Variants in VIL1 observed in about 807,000 individuals in gnomAD.
VIL1 encodes villin-1.
In VIL1, 86 loss-of-function variants were observed where a neutral mutation model predicts 104.0. The ratio of observed to expected loss-of-function variants is 0.83; its 90% CI spans 0.69 to 0.99. The LOEUF (loss-of-function observed/expected upper bound fraction) is 0.99. VIL1 is among the 50% of genes least tolerant of loss of function. VIL1 has a pLI of 0.00. For missense variants in VIL1, 944 were observed against 1,054.1 expected (o/e 0.90, Z 1.45); for synonymous variants, 394 against 412.6 (o/e 0.95, Z 0.55).
intron 1 of VIL1, among the ~76,000 whole-genome samples, chr2:218,422,791 C>G (rs763254119): frequency 8.5e-5 from 13 of 152,188 alleles, no homozygotes; most frequent in Non-Finnish European, 1.8e-4. Context: ...GAGGGCAGCT[C>G]TCTGCCAGGC....
In VIL1 at chr2:218,450,980, A is replaced by G. The variant is rs1270532658; in HGVS notation, c.*1644A>G. 1 of 152,226 alleles carries G rather than the reference A, an allele frequency of 6.6e-6. No individual in the cohort carries two copies. The highest frequency in any genetic ancestry group is 1.5e-5 in the Non-Finnish European group (1 of 68,028). 9.4% of individuals were successfully genotyped at this position (152,226 alleles called of 1,614,324 possible). A position where few individuals can be genotyped will look rare whatever the true frequency, so the allele number is the denominator to read the frequency against. On this transcript the variant is annotated 3_prime_UTR_variant, in exon 20 of 20. Coordinates refer to ENST00000248444, the MANE Select transcript of VIL1 (RefSeq NM_007127.3). The stretch of plus-strand genomic sequence containing the variant: ...TGAAGTCTAGTAATCAAAGCATGCC[A>G]TAAGGTGAATGATTGTGGTTAAACA...
chr2:218,444,436 C>T (rs571260378), intron 19 of VIL1, among the ~76,000 whole-genome samples: 15 of 152,092 alleles, frequency 9.9e-5, no homozygotes, highest in African/African-American at 3.4e-4. Flanking sequence ...CCCGCCATCA[C>T]GCCCGGCTAA....
chr2:218,425,934 A>T, intron 4 of VIL1, 123 bp downstream of exon 4: 225 of 999,286 alleles, frequency 2.3e-4, no homozygotes, highest in Admixed American at 2.6e-4. Flanking sequence ...CACTTGGAGC[A>T]GGGGGAGGTG....
intron 6 of VIL1, 41 bp downstream of exon 6, chr2:218,428,378 G>A: frequency 6.4e-7 from 1 of 1,564,120 alleles, no homozygotes; most frequent in Non-Finnish European, 8.8e-7. Context: ...TCGAATCCTA[G>A]ACTGCCCCCA....
intron 3 of VIL1, among the ~76,000 whole-genome samples, chr2:218,425,304 C>T (rs922078808): frequency 1.3e-5 from 2 of 152,192 alleles, no homozygotes; most frequent in African/African-American, 2.4e-5. Flanking sequence ...TGGTCTTCAA[C>T]TCCTGACCTC....
chr2:218,449,264 G>A lies in VIL1; in HGVS notation c.2412G>A (p.Met804Ile). 6.2e-7 allele frequency: 1 copy of A among 1,614,046 alleles called. No individual in the cohort carries two copies. Among genetic ancestry groups the A allele is most frequent in the Non-Finnish European group, 8.5e-7 (1 of 1,179,962 alleles). The change falls in exon 20 of 20, where the codon ATG becomes ATA. Residue 804 changes from methionine to isoleucine, a missense_variant. By Grantham distance (10) the Met-to-Ile change is conservative (BLOSUM62 1). Coordinates refer to ENST00000248444, the MANE Select transcript of VIL1 (RefSeq NM_007127.3). ...AAGATTTCACTCAGGCCTTTGGGAT[G>A]ACTCCAGCTGCCTTCTCTGCTCTGC... Reference protein sequence around the residue: ...SIEDFTQAFGMTPAAFSALPR... With the variant: ...SIEDFTQAFGITPAAFSALPR...
At position 218,428,254 on chromosome 2, in the gene VIL1, C is replaced by T. The variant is rs1689037505; in HGVS notation, c.484C>T (p.Arg162Ter). The T allele has an allele frequency of 6.8e-6, 11 of 1,614,116 alleles. No homozygotes were observed. The highest frequency in any genetic ancestry group is 1.6e-4 in the Middle Eastern group (1 of 6,062). Residue 162 changes from arginine (R) to a stop codon, truncating the protein, a stop_gained, in exon 6 of 20, where the codon CGA becomes TGA. Transcript: ENST00000248444. LOFTEE classifies it high-confidence loss of function. ...AGAGATGTCCTGGAAGAGTTTCAAC[C>T]GAGGGGATGTTTTCCTCCTGGACCT... ...EVEMSWKSFN[R>*]GDVFLLDLGK...
At chr2:218,432,423 C>T in intron 12 of VIL1, 2 of 740,358 alleles carry the variant, frequency 2.7e-6, no homozygotes, top group Non-Finnish European at 4.7e-6. Context: ...TTGTCACCTG[C>T]TCTGCCCATG....
At chr2:218,442,840 T>C (rs1443234869) in intron 19 of VIL1, among the ~76,000 whole-genome samples, 2 of 152,196 alleles carry the variant, frequency 1.3e-5, no homozygotes, top group Non-Finnish European at 2.9e-5. Flanking sequence ...TCAATATTTA[T>C]ATAAGTGTTT....
At chr2:218,438,441 C>T (rs780300591) in intron 17 of VIL1, among the ~76,000 whole-genome samples, 10 of 152,218 alleles carry the variant, frequency 6.6e-5, no homozygotes, top group South Asian at 2.1e-4. Flanking sequence ...ATATAGCCTG[C>T]GCTCCACTTT....
At chr2:218,444,035 G>A (rs1016370045) in intron 19 of VIL1, among the ~76,000 whole-genome samples, 2 of 151,962 alleles carry the variant, frequency 1.3e-5, no homozygotes, top group African/African-American at 2.4e-5. Flanking sequence ...GTACAATCTC[G>A]GCTCACTGCA....
intron 6 of VIL1, among the ~76,000 whole-genome samples, 177 bp downstream of exon 6, chr2:218,428,514 T>C (rs1439759484): frequency 6.6e-6 from 1 of 152,154 alleles, no homozygotes; most frequent in Non-Finnish European, 1.5e-5. Context: ...TTGTGGTCAA[T>C]CCACTCAGAT....
intron 19 of VIL1, among the ~76,000 whole-genome samples, chr2:218,448,204 G>A (rs1330497020): frequency 6.6e-6 from 1 of 151,958 alleles, no homozygotes; most frequent in Non-Finnish European, 1.5e-5. Flanking sequence ...AGGCTGGAGT[G>A]AGCTGAGATT....
rs763416343 is a variant in VIL1 at position 218,430,834 on chromosome 2, A to T, written c.1058A>T (p.Asn353Ile). 3 of 1,613,922 alleles carry T rather than the reference A, an allele frequency of 1.9e-6. No homozygotes were observed. The highest frequency in any genetic ancestry group is 2.5e-6 in the Non-Finnish European group (3 of 1,179,970). Residue 353 changes from asparagine to isoleucine, a missense_variant, in exon 10 of 20, where the codon AAC becomes ATC. Transcript: ENST00000248444. ...QQLFQKWTAS[N>I]RTSGLGKTHT... ...CTCTTCCAGAAGTGGACAGCGTCCA[A>T]CCGGACCTCAGGCCTAGGCAAAACC...
At chr2:218,426,533 T>A (rs1689005029) in intron 4 of VIL1, among the ~76,000 whole-genome samples, 1 of 152,158 alleles carries the variant, frequency 6.6e-6, no homozygotes, top group East Asian at 1.9e-4. Flanking sequence ...ATTATAGGCG[T>A]GAGCCACTTC....
Position 218,429,643 on chromosome 2 carries a change from C to T in VIL1, c.817C>T (p.Arg273Trp), listed in dbSNP as rs752188301. 1.1e-5 allele frequency: 18 copies of T among 1,613,954 alleles called. No individual in the cohort carries two copies. Among genetic ancestry groups the T allele is most frequent in the African/African-American group, 4.0e-5 (3 of 74,884 alleles). The change falls in exon 8 of 20, where the codon CGG becomes TGG. Residue 273 changes from arginine to tryptophan, a missense_variant. Arg to Trp is a moderately radical substitution (Grantham distance 101, BLOSUM62 -3). Transcript: ENST00000248444. The part of the protein sequence containing the change: ...GNLVVREVAT[R>W]PLTQDLLSHE... ...TCTGGTGGTGAGGGAAGTCGCCACA[C>T]GGCCACTGACACAGGACCTGCTCAG... is the stretch of plus-strand genomic sequence containing the variant.
Position 218,449,315 on chromosome 2 carries a change from G to A in VIL1, c.2463G>A (p.Lys821=). 6.2e-7 allele frequency: 1 copy of A among 1,613,584 alleles called. No homozygotes were observed. Among genetic ancestry groups the A allele is most frequent in the Non-Finnish European group, 8.5e-7 (1 of 1,179,630 alleles). Residue 821 remains lysine (K), a synonymous_variant, in exon 20 of 20, where the codon AAG becomes AAA. Transcript: ENST00000248444. ...ALPRWKQQNL[K]KEKGLF ...CTCGATGGAAGCAACAAAACCTCAA[G>A]AAAGAAAAAGGACTATTTTGAGAAG... is the stretch of plus-strand genomic sequence containing the variant.
chr2:218,441,108 G>A (rs1258628751), intron 19 of VIL1, among the ~76,000 whole-genome samples: 1 of 152,194 alleles, frequency 6.6e-6, no homozygotes, highest in Non-Finnish European at 1.5e-5. Flanking sequence ...TACAAACAGG[G>A]CCGGGTGCAG....
At chr2:218,428,121 T>A in intron 5 of VIL1, 48 bp downstream of exon 5, 1 of 1,600,006 alleles carries the variant, frequency 6.2e-7, no homozygotes, top group Non-Finnish European at 8.6e-7. Context: ...AGGCCCAGGG[T>A]GGAGGGCAGG....
Sources: gnomAD v4.1 joint callset for allele counts (sites outside exome capture counted in the v4.1 genomes callset) on GRCh38, gnomAD v4.1.1 for gene constraint, MANE v1.5 for transcripts, NCBI Gene and HGNC (gene_info 2026-07-23, HGNC 2026-07-21) for gene names.